The following PDCD1LG2 variants were observed in gnomAD, a reference collection of about 807,000 sequenced individuals.
The protein encoded by PDCD1LG2 is B7 dendritic cell molecule.
A neutral mutation model predicts 28.2 loss-of-function variants in PDCD1LG2; 32 were observed. The ratio of observed to expected loss-of-function variants is 1.13; its 90% CI spans 0.86 to 1.52. The LOEUF (loss-of-function observed/expected upper bound fraction) is 1.52, where lower values mean the gene tolerates loss of function less well. Among genes scored for constraint, PDCD1LG2 ranks in the 40% most tolerant of loss-of-function variants. The pLI is 0.00. For synonymous variants in PDCD1LG2, 116 were observed against 120.2 expected (o/e 0.97, Z 0.23); for missense variants, 385 against 323.8 (o/e 1.19, Z -1.45).
rs73388581 is a variant in PDCD1LG2 at position 5,566,148 on chromosome 9, C to T, written c.816+2937C>T. On this transcript the variant is annotated intron_variant, in intron 6 of 6. Coordinates refer to ENST00000397747, the MANE Select transcript of PDCD1LG2 (RefSeq NM_025239.4). The stretch of plus-strand genomic sequence containing the variant: ...CATCCCGCACTCTCATTTTGTGACT[C>T]GGCATCTTGGGAGATGGAGTCTTGG... 3.9e-3 allele frequency among the ~76,000 whole-genome samples: 592 copies of T among 152,256 alleles called. 3 individuals are homozygous for T. Among genetic ancestry groups the T allele is most frequent in the African/African-American group, 0.013 (556 of 41,528 alleles).
chr9:5,542,881 G>A (rs138794878), intron 3 of PDCD1LG2, among the ~76,000 whole-genome samples: 4,313 of 152,060 alleles, frequency 0.028, 213 homozygotes, highest in African/African-American at 0.098. Context: ...ACTTGCACAC[G>A]CATTTTTATA....
At chr9:5,537,749 G>C (rs1469246865) in intron 3 of PDCD1LG2, among the ~76,000 whole-genome samples, 6 of 152,150 alleles carry the variant, frequency 3.9e-5, no homozygotes, top group African/African-American at 1.4e-4. Context: ...GGAGGGGAGA[G>C]GGATAGCATT....
chr9:5,565,681 C>T (rs1231467347), intron 6 of PDCD1LG2, among the ~76,000 whole-genome samples: 1 of 152,132 alleles, frequency 6.6e-6, no homozygotes, highest in African/African-American at 2.4e-5. Flanking sequence ...AGTGTTAATG[C>T]AACTATATGG....
Position 5,522,453 on chromosome 9 carries a change from C to G in PDCD1LG2, c.-14-80C>G, listed in dbSNP as rs1409869795. 6 of 1,065,308 alleles carry G rather than the reference C, an allele frequency of 5.6e-6. No homozygotes were observed. The East Asian group carries it at 1.2e-4, about 22-fold the overall frequency. 66.0% of individuals were successfully genotyped at this position (1,065,308 alleles called of 1,614,324 possible). A position where few individuals can be genotyped will look rare whatever the true frequency, so the allele number is the denominator to read the frequency against. On this transcript the variant is annotated intron_variant, in intron 1 of 6. Coordinates refer to ENST00000397747, the MANE Select transcript of PDCD1LG2 (RefSeq NM_025239.4). ...CCTTCCCCAAATGATTTGTTATTCC[C>G]CTGTTTTCAAAAGTGAACAAAGAAC...
At chr9:5,526,789 T>A (rs2129750697) in intron 2 of PDCD1LG2, among the ~76,000 whole-genome samples, 1 of 152,322 alleles carries the variant, frequency 6.6e-6, no homozygotes, top group East Asian at 1.9e-4. Context: ...AAAAGAAGTT[T>A]TAGTAAGCAT....
chr9:5,532,612 T>G (rs1332222461), intron 2 of PDCD1LG2, among the ~76,000 whole-genome samples: 1 of 152,136 alleles, frequency 6.6e-6, no homozygotes, highest in Admixed American at 6.5e-5. Flanking sequence ...ATTTGCAGGA[T>G]AGTGGGAAGA....
intron 2 of PDCD1LG2, among the ~76,000 whole-genome samples, chr9:5,532,502 C>G (rs942675437): frequency 2.0e-5 from 3 of 152,204 alleles, no homozygotes; most frequent in Admixed American, 2.0e-4. Context: ...CTCCCTCTCT[C>G]TCTTTCTGTC....
intron 1 of PDCD1LG2, among the ~76,000 whole-genome samples, chr9:5,512,235 A>G (rs1170020341): frequency 2.6e-5 from 4 of 152,192 alleles, no homozygotes; most frequent in Non-Finnish European, 5.9e-5. Context: ...CAACTGTAGT[A>G]TCACCTCCTC....
chr9:5,539,690 G>C (rs1395702942), intron 3 of PDCD1LG2, among the ~76,000 whole-genome samples: 1 of 152,106 alleles, frequency 6.6e-6, no homozygotes, highest in Non-Finnish European at 1.5e-5. Context: ...AGAGGAGCTG[G>C]GGTTGAGAAC....
chr9:5,512,762 G>A (rs1323596661), intron 1 of PDCD1LG2, among the ~76,000 whole-genome samples: 1 of 152,024 alleles, frequency 6.6e-6, no homozygotes, highest in Non-Finnish European at 1.5e-5. Context: ...CAAACTTACT[G>A]TCTTCCCTCT....
chr9:5,512,876 CT>C (rs1820088265), intron 1 of PDCD1LG2, among the ~76,000 whole-genome samples: 1 of 152,144 alleles, frequency 6.6e-6, no homozygotes, highest in African/African-American at 2.4e-5. Flanking sequence ...AATCTTGTTG[CT>C]TTTCTCTTTG....
intron 3 of PDCD1LG2, among the ~76,000 whole-genome samples, chr9:5,537,058 A>G (rs906774415): frequency 2.0e-5 from 3 of 152,232 alleles, no homozygotes; most frequent in Non-Finnish European, 4.4e-5. Context: ...CCTTTTGCAA[A>G]TAATGTGGTA....
chr9:5,511,154 C>G (rs1459670775), intron 1 of PDCD1LG2, among the ~76,000 whole-genome samples: 1 of 152,208 alleles, frequency 6.6e-6, no homozygotes, highest in Non-Finnish European at 1.5e-5. Flanking sequence ...TTTCCTATGA[C>G]TGACATCTGT....
chr9:5,552,196 A>G (rs1194365290), intron 4 of PDCD1LG2, among the ~76,000 whole-genome samples: 1 of 151,974 alleles, frequency 6.6e-6, no homozygotes, highest in African/African-American at 2.4e-5. Context: ...TTCCAGACAT[A>G]CTCTTCCTTG....
At position 5,570,476 on chromosome 9, in the gene PDCD1LG2, T is replaced by C. The variant is rs1038292272; in HGVS notation, c.*517T>C. On this transcript the variant is annotated 3_prime_UTR_variant, in exon 7 of 7. Coordinates refer to ENST00000397747, the MANE Select transcript of PDCD1LG2 (RefSeq NM_025239.4). The stretch of plus-strand genomic sequence containing the variant: ...CTCAAATCATAATTGACATGTTTTA[T>C]GGATTACTGGAATCTTGATAGCATA... 2 of 234,088 alleles carry C rather than the reference T, an allele frequency of 8.5e-6. No individual in the cohort carries two copies. The highest frequency in any genetic ancestry group is 1.2e-3 in the Middle Eastern group (1 of 810). The allele number at this position is 234,088 out of a possible 1,614,324, so 14.5% of individuals were successfully genotyped here.
chr9:5,539,194 A>T (rs1820641950), intron 3 of PDCD1LG2, among the ~76,000 whole-genome samples: 1 of 152,214 alleles, frequency 6.6e-6, no homozygotes, highest in Non-Finnish European at 1.5e-5. Flanking sequence ...ATGAAAAATT[A>T]TAAGAATCAA....
chr9:5,532,646 G>A (rs1820504533), intron 2 of PDCD1LG2, among the ~76,000 whole-genome samples: 1 of 152,176 alleles, frequency 6.6e-6, no homozygotes. Context: ...GAGGACATCT[G>A]CAGTGGGAAT....
At chr9:5,562,252 G>A (rs193117081) in intron 5 of PDCD1LG2, among the ~76,000 whole-genome samples, 2 of 152,176 alleles carry the variant, frequency 1.3e-5, no homozygotes, top group East Asian at 1.9e-4. Flanking sequence ...TCCCATTGAC[G>A]AATAAGTGGA....
intron 1 of PDCD1LG2, among the ~76,000 whole-genome samples, chr9:5,512,947 C>G (rs1039323505): frequency 1.3e-5 from 2 of 151,976 alleles, no homozygotes; most frequent in Non-Finnish European, 2.9e-5. Context: ...TATGTTTCTT[C>G]TTCCTCTTCC....
Sources: allele counts gnomAD v4.1 joint callset (sites outside exome capture counted in the v4.1 genomes callset), GRCh38; gene constraint gnomAD v4.1.1; transcripts MANE v1.5; gene names NCBI Gene and HGNC (gene_info 2026-07-23, HGNC 2026-07-21).